EDAR: variants seen among roughly 807,000 people sequenced by gnomAD.
EDAR encodes the protein tumor necrosis factor receptor superfamily member EDAR.
Under a neutral mutation model 51.3 loss-of-function variants are expected in EDAR, and 38 were observed. The observed-to-expected ratio is 0.74, with a 90% CI of 0.57 to 0.97. The LOEUF (loss-of-function observed/expected upper bound fraction) is 0.97, where lower values mean the gene tolerates loss of function less well. Ranked by LOEUF, EDAR falls within the 50% of genes least tolerant of loss-of-function variation. The pLI, the probability that EDAR is intolerant of heterozygous loss-of-function variation, is 0.00. For missense variants in EDAR, 528 were observed against 595.0 expected (o/e 0.89, Z 1.17); for synonymous variants, 227 against 242.1 (o/e 0.94, Z 0.58).
In EDAR at chr2:108,927,976, TCTC is replaced by T. The variant is rs1697290089; in HGVS notation, c.356+1219_356+1221del. The stretch of plus-strand genomic sequence containing the variant: ...TTTCAGGGGGCTCTCAGATTCTTCC[TCTC>T]CTCCACCCCCGGTGCCTCTGCTCCA... On this transcript the variant is annotated intron_variant, in intron 4 of 11. Coordinates refer to ENST00000258443, the MANE Select transcript of EDAR (RefSeq NM_022336.4). Among the ~76,000 whole-genome samples the T allele has an allele frequency of 3.9e-5, 6 of 151,984 alleles. No homozygotes were observed. In the South Asian group the frequency reaches 1.2e-3, roughly 32 times the overall value.
intron 1 of EDAR, among the ~76,000 whole-genome samples, chr2:108,977,797 A>C (rs1293135499): frequency 6.6e-6 from 1 of 152,238 alleles, no homozygotes; most frequent in African/African-American, 2.4e-5. Flanking sequence ...ACCTCAGGAC[A>C]GTTCCTGCTG....
At chr2:108,971,406 T>C (rs1574412112) in intron 1 of EDAR, among the ~76,000 whole-genome samples, 1 of 152,016 alleles carries the variant, frequency 6.6e-6, no homozygotes, top group East Asian at 1.9e-4. Flanking sequence ...CCCCAGGTGA[T>C]TTGCGTGCAA....
At position 108,972,889 on chromosome 2, in the gene EDAR, T is replaced by C. The variant is rs113237148; in HGVS notation, c.-19+16071A>G. On this transcript the variant is annotated intron_variant, in intron 1 of 11. Transcript: ENST00000258443. ...TCTTGAACTTTCTTCTAGAGCTCTCTGAGCTGGGCACGCCCAGAACAAGGC... is the reference window on the plus strand; with the variant it reads ...TCTTGAACTTTCTTCTAGAGCTCTCCGAGCTGGGCACGCCCAGAACAAGGC... Among the ~76,000 whole-genome samples the C allele has an allele frequency of 2.5e-3, 381 of 152,378 alleles. 1 individual carries two copies. The highest frequency in any genetic ancestry group is 4.2e-3 in the Non-Finnish European group (283 of 68,042).
chr2:108,929,517 C>T (rs1335188031), intron 3 of EDAR, 138 bp from the exon 4 acceptor site: 2 of 917,256 alleles, frequency 2.2e-6, no homozygotes, highest in African/African-American at 1.6e-5. Flanking sequence ...CCTGAGTTGT[C>T]CTAACTGCAA....
rs1208864346 is a variant in EDAR at position 108,894,522 on chromosome 2, C to T, written c.*2385G>A. On this transcript the variant is annotated 3_prime_UTR_variant, in exon 12 of 12. Transcript: ENST00000258443. ...TAAAATATAATAAGTTATATATATA[C>T]AGAATTAGACAAAAATAATATTGAC... The T allele has an allele frequency of 6.6e-6, 1 of 152,084 alleles. No individual in the cohort carries two copies. Among genetic ancestry groups the T allele is most frequent in the Non-Finnish European group, 1.5e-5 (1 of 67,958 alleles). The allele number at this position is 152,084 out of a possible 1,614,324, so 9.4% of individuals were successfully genotyped here.
chr2:108,975,537 G>C (rs763884565), intron 1 of EDAR, among the ~76,000 whole-genome samples: 8 of 152,206 alleles, frequency 5.3e-5, no homozygotes, highest in Non-Finnish European at 1.2e-4. Flanking sequence ...GGAGTGAGAA[G>C]AGGTGGGTGG....
At chr2:108,924,679 G>A (rs183118371) in intron 4 of EDAR, among the ~76,000 whole-genome samples, 65 of 152,214 alleles carry the variant, frequency 4.3e-4, no homozygotes, top group African/African-American at 1.5e-3. Flanking sequence ...GACCATAATT[G>A]CCTGCCCTCC....
At chr2:108,958,968 G>A (rs1301395719) in intron 1 of EDAR, among the ~76,000 whole-genome samples, 1 of 152,242 alleles carries the variant, frequency 6.6e-6, no homozygotes, top group Admixed American at 6.5e-5. Flanking sequence ...AAGTCCTCAA[G>A]AAGTGGCCTC....
intron 1 of EDAR, among the ~76,000 whole-genome samples, chr2:108,963,130 C>T (rs190106686): frequency 1.4e-3 from 214 of 152,294 alleles, no homozygotes; most frequent in African/African-American, 5.1e-3. Context: ...ACACCCCTAG[C>T]TTCAACCACT....
At chr2:108,946,263 C>T (rs2105483984) in intron 1 of EDAR, among the ~76,000 whole-genome samples, 1 of 152,324 alleles carries the variant, frequency 6.6e-6, no homozygotes, top group East Asian at 1.9e-4. Flanking sequence ...CAGATACACC[C>T]CAAACTCATG....
At chr2:108,985,140 A>C (rs1698475913) in intron 1 of EDAR, among the ~76,000 whole-genome samples, 2 of 152,160 alleles carry the variant, frequency 1.3e-5, no homozygotes, top group South Asian at 4.1e-4. Context: ...GGAGACTAAT[A>C]CTGTATCTTA....
intron 11 of EDAR, among the ~76,000 whole-genome samples, chr2:108,903,681 C>A (rs1419193803): frequency 2.0e-5 from 3 of 152,104 alleles, no homozygotes; most frequent in African/African-American, 7.2e-5. Context: ...GGTGCTGGAG[C>A]AATTGGACAT....
chr2:108,925,339 T>G (rs1004261211), intron 4 of EDAR, among the ~76,000 whole-genome samples: 32 of 152,368 alleles, frequency 2.1e-4, no homozygotes, highest in African/African-American at 7.5e-4. Context: ...CCATCCTAGT[T>G]CACACCCCAG....
intron 5 of EDAR, 78 bp downstream of exon 5, chr2:108,923,290 C>T: frequency 3.5e-6 from 5 of 1,414,838 alleles, no homozygotes; most frequent in Non-Finnish European, 5.0e-6. Context: ...CCAGGACCGG[C>T]TCTTTCCTAC....
chr2:108,965,429 C>T (rs1179437225), intron 1 of EDAR, among the ~76,000 whole-genome samples: 1 of 148,746 alleles, frequency 6.7e-6, no homozygotes, highest in Non-Finnish European at 1.5e-5. Context: ...CACGCCACTG[C>T]ACTCCAACCT....
At chr2:108,906,675 T>C (rs924393325) in intron 10 of EDAR, among the ~76,000 whole-genome samples, 1 of 152,244 alleles carries the variant, frequency 6.6e-6, no homozygotes, top group African/African-American at 2.4e-5. Flanking sequence ...GGACCCCCAC[T>C]TGCCCTCAGG....
At chr2:108,976,543 T>C (rs1698324991) in intron 1 of EDAR, among the ~76,000 whole-genome samples, 1 of 152,200 alleles carries the variant, frequency 6.6e-6, no homozygotes, top group South Asian at 2.1e-4. Flanking sequence ...AGTTATCCGT[T>C]TAACCTCCTC....
chr2:108,960,713 G>A (rs1007432635), intron 1 of EDAR, among the ~76,000 whole-genome samples: 1 of 152,128 alleles, frequency 6.6e-6, no homozygotes. Context: ...CCTACCATAT[G>A]GAAACATTAT....
In EDAR at chr2:108,929,445, A is replaced by C. The variant is rs1697324440; in HGVS notation, c.175-66T>G. 3 of 1,543,504 alleles carry C rather than the reference A, an allele frequency of 1.9e-6. No homozygotes were observed. The East Asian group carries it at 6.7e-5, about 35-fold the overall frequency. On this transcript the variant is annotated intron_variant, in intron 3 of 11. Coordinates refer to ENST00000258443, the MANE Select transcript of EDAR (RefSeq NM_022336.4). ...CAGCCAAACCATACGGACTCGGCCCACAGTCCTTGGGCAGTGACGTGCCAG... is the reference window on the plus strand; with the variant it reads ...CAGCCAAACCATACGGACTCGGCCCCCAGTCCTTGGGCAGTGACGTGCCAG...
Sources: allele counts gnomAD v4.1 joint callset (sites outside exome capture counted in the v4.1 genomes callset), GRCh38; gene constraint gnomAD v4.1.1; transcripts MANE v1.5; gene names NCBI Gene and HGNC (gene_info 2026-07-23, HGNC 2026-07-21).